ZNF408: variants seen among roughly 807,000 people sequenced by gnomAD.
The protein encoded by ZNF408 is zinc finger protein 408.
A neutral mutation model predicts 27.6 loss-of-function variants in ZNF408; 24 were observed. The observed-to-expected ratio is 0.87, with a 90% confidence interval of 0.63 to 1.22. ZNF408 has a LOEUF of 1.22. Ranked by LOEUF, ZNF408 falls within the 50% of genes most tolerant of loss-of-function variation. ZNF408 has a pLI of 0.00. For synonymous variants in ZNF408, 410 were observed against 396.1 expected, an observed-to-expected ratio of 1.04 and a Z score of -0.42; for missense variants, 897 against 949.0, an observed-to-expected ratio of 0.95 and a Z score of 0.72.
Position 46,703,200 on chromosome 11 carries a change from G to A in ZNF408, c.609G>A (p.Gln203=), listed in dbSNP as rs1380572791. 3 of 1,613,592 alleles carry A rather than the reference G, an allele frequency of 1.9e-6. No homozygotes were observed. The South Asian group carries it at 3.3e-5, about 18-fold the overall frequency. Residue 203 remains glutamine (Q), a synonymous_variant, in exon 4 of 5, where the codon CAG becomes CAA. Coordinates refer to ENST00000311764, the MANE Select transcript of ZNF408 (RefSeq NM_024741.3). Reference sequence around the variant, plus strand: ...CAGAAGTGGAGTCTGCTGTACAGCAGGAAGTGGCCTCCCCTGGGGAGGATG... The same window carrying A: ...CAGAAGTGGAGTCTGCTGTACAGCAAGAAGTGGCCTCCCCTGGGGAGGATG... ...VVTEVESAVQ[Q]EVASPGEDAA...
Position 46,704,814 on chromosome 11 carries a change from G to T in ZNF408, c.1114G>T (p.Ala372Ser), listed in dbSNP as rs141624151. 5 of 1,599,912 alleles carry T rather than the reference G, an allele frequency of 3.1e-6. No individual in the cohort carries two copies. Among genetic ancestry groups the T allele is most frequent in the Admixed American group, 1.7e-5 (1 of 58,558 alleles). Reference protein sequence around the residue: ...FLQLCHLKKHAFVHTGHKPFL... With the variant: ...FLQLCHLKKHSFVHTGHKPFL... ...ACAGCTGTGCCACCTAAAGAAGCAC[G>T]CATTTGTGCACACGGGCCACAAGCC... Residue 372 changes from alanine (A) to serine (S), a missense_variant, in exon 5 of 5, where the codon GCA becomes TCA. Ala to Ser is a moderately conservative substitution (Grantham distance 99, BLOSUM62 1). Coordinates refer to ENST00000311764, the MANE Select transcript of ZNF408 (RefSeq NM_024741.3).
At position 46,705,196 on chromosome 11, in the gene ZNF408, C is replaced by G; in HGVS notation, c.1496C>G (p.Pro499Arg). ...ACAGGAGAAAAGCCTTTCCTGTGCCCGCACTGTGGCCGGGCGTTTCGTCAG... is the reference window on the plus strand; with the variant it reads ...ACAGGAGAAAAGCCTTTCCTGTGCCGGCACTGTGGCCGGGCGTTTCGTCAG... ...LHTGEKPFLC[P>R]HCGRAFRQRG... is the part of the protein sequence containing the mutation. Residue 499 changes from proline (P) to arginine (R), a missense_variant, in exon 5 of 5, where the codon CCG (proline) becomes CGG (arginine). Transcript: ENST00000311764. This position sits in a 1 kb window ranked among gnomAD's most constrained non-coding sequence, Gnocchi z 6.5. 2 of 1,611,720 alleles carry G rather than the reference C, an allele frequency of 1.2e-6. No individual in the cohort carries two copies. Among genetic ancestry groups the G allele is most frequent in the Non-Finnish European group, 1.7e-6 (2 of 1,179,920 alleles).
At chr11:46,703,383 G>T (rs1397346313) in intron 4 of ZNF408, 140 bp downstream of exon 4, 1 of 1,172,080 alleles carries the variant, frequency 8.5e-7, no homozygotes, top group Non-Finnish European at 1.2e-6. Flanking sequence ...TCTGTTTTAA[G>T]GTGGATCTTT....
intron 3 of ZNF408, 62 bp downstream of exon 3, chr11:46,702,827 C>T (rs572995590): frequency 3.2e-5 from 52 of 1,604,966 alleles, no homozygotes; most frequent in African/African-American, 4.0e-5. Flanking sequence ...GGATGGAACC[C>T]GGTGCTGACT....
At position 46,705,572 on chromosome 11, in the gene ZNF408, G is replaced by A. The variant is rs1486054762; in HGVS notation, c.1872G>A (p.Arg624=). The part of the protein sequence containing the change: ...MGYTLPQSLR[R]HQLSHRPEAP... The stretch of plus-strand genomic sequence containing the variant: ...ACACCCTCCCGCAGAGCCTCAGGCG[G>A]CATCAGCTCAGTCACCGGCCTGAGG... The change falls in exon 5 of 5, where the codon CGG becomes CGA. Residue 624 remains arginine, a synonymous_variant. Coordinates refer to ENST00000311764, the MANE Select transcript of ZNF408 (RefSeq NM_024741.3). This position sits in a 1 kb window ranked among gnomAD's most constrained non-coding sequence, Gnocchi z 6.5. 1 of 1,606,800 alleles carries A rather than the reference G, an allele frequency of 6.2e-7. No homozygotes were observed. The highest frequency in any genetic ancestry group is 8.5e-7 in the Non-Finnish European group (1 of 1,179,974).
At chr11:46,701,302 T>C (rs1015402818) in intron 1 of ZNF408, 97 bp from the exon 2 acceptor site, 1 of 1,569,958 alleles carries the variant, frequency 6.4e-7, no homozygotes, top group Non-Finnish European at 8.7e-7. Flanking sequence ...TCCCTCGGGC[T>C]CCGCAGGCCC....
At position 46,701,626 on chromosome 11, in the gene ZNF408, G is replaced by C. The variant is rs775886531; in HGVS notation, c.280G>C (p.Glu94Gln). 1.2e-6 allele frequency: 2 copies of C among 1,607,324 alleles called. No homozygotes were observed. Among genetic ancestry groups the C allele is most frequent in the Admixed American group, 3.4e-5 (2 of 59,696 alleles). The change falls in exon 2 of 5, where the codon GAG becomes CAG. Residue 94 changes from glutamate to glutamine, a missense_variant. By Grantham distance (29) the Glu-to-Gln change is conservative (BLOSUM62 2). Coordinates refer to ENST00000311764, the MANE Select transcript of ZNF408 (RefSeq NM_024741.3). The stretch of plus-strand genomic sequence containing the variant: ...CCTGCTGTGGGGGCCGCTGGAAGAG[G>C]AGTCTGCCTCCAAGGAGAAGGGCGA... ...PGLLWGPLEE[E>Q]SASKEKGEGV... is the part of the protein sequence containing the mutation.
rs766923234 is a variant in ZNF408, at chr11:46,705,892, A to G, written c.*29A>G. Reference sequence around the variant, plus strand: ...CTTTGCCTTTTGCTGACACAGCTCCATAAAGACTCGTGCTTTCTCACTGCT... The same window carrying G: ...CTTTGCCTTTTGCTGACACAGCTCCGTAAAGACTCGTGCTTTCTCACTGCT... On this transcript the variant is annotated 3_prime_UTR_variant, in exon 5 of 5. Coordinates refer to ENST00000311764, the MANE Select transcript of ZNF408 (RefSeq NM_024741.3). The surrounding 1 kb of genome is among the most constrained non-coding windows in gnomAD (Gnocchi z 6.5). 7.5e-6 allele frequency: 12 copies of G among 1,593,514 alleles called. No individual in the cohort carries two copies. The highest frequency in any genetic ancestry group is 2.3e-5 in the South Asian group (2 of 87,904).
Position 46,705,084 on chromosome 11 carries a change from C to G in ZNF408, c.1384C>G (p.Pro462Ala). The G allele has an allele frequency of 6.2e-7, 1 of 1,612,534 alleles. No individual in the cohort carries two copies. Among genetic ancestry groups the G allele is most frequent in the Non-Finnish European group, 8.5e-7 (1 of 1,179,960 alleles). Reference sequence around the variant, plus strand: ...GCTGCATCGCAAGACCCACCAGGTGCCAGCTGCCCCTGCCCCTTGCCCATG... The same window carrying G: ...GCTGCATCGCAAGACCCACCAGGTGGCAGCTGCCCCTGCCCCTTGCCCATG... ...LRLHRKTHQVPAAPAPCPCPV... is the reference protein window; with the variant it reads ...LRLHRKTHQVAAAPAPCPCPV... Residue 462 changes from proline to alanine, a missense_variant, in exon 5 of 5, where the codon CCA becomes GCA. Transcript: ENST00000311764. This position sits in a 1 kb window ranked among gnomAD's most constrained non-coding sequence, Gnocchi z 6.5.
At chr11:46,702,617 C>A in intron 2 of ZNF408, 87 bp from the exon 3 acceptor site, 2 of 1,363,096 alleles carry the variant, frequency 1.5e-6, no homozygotes, top group South Asian at 1.2e-5. Context: ...TTAAATTTGT[C>A]CCAGGAAAGT....
Position 46,704,704 on chromosome 11 carries a change from T to A in ZNF408, c.1004T>A (p.Leu335His), listed in dbSNP as rs774684034. 1 of 1,609,502 alleles carries A rather than the reference T, an allele frequency of 6.2e-7. No individual in the cohort carries two copies. ...PGAQQSGFPT[L>H]SRSPPGPAGS... Reference sequence around the variant, plus strand: ...GCCCAGCAGTCTGGCTTCCCTACACTCTCGCGGAGCCCTCCTGGCCCAGCA... The same window carrying A: ...GCCCAGCAGTCTGGCTTCCCTACACACTCGCGGAGCCCTCCTGGCCCAGCA... Residue 335 changes from leucine (L) to histidine (H), a missense_variant, in exon 5 of 5, where the codon CTC (leucine) becomes CAC (histidine). Coordinates refer to ENST00000311764, the MANE Select transcript of ZNF408 (RefSeq NM_024741.3).
chr11:46,703,118 A>T lies in ZNF408; in HGVS notation c.527A>T (p.Glu176Val), dbSNP rs1241761884. ...CTGCTGTGGCCCCAGCCTTCCTCTGAGGGCCCAAGTCTCACCCAGCCTGGG... is the reference window on the plus strand; with the variant it reads ...CTGCTGTGGCCCCAGCCTTCCTCTGTGGGCCCAAGTCTCACCCAGCCTGGG... ...ELLLWPQPSS[E>V]GPSLTQPGLD... is the part of the protein sequence containing the mutation. Residue 176 changes from glutamate to valine, a missense_variant, in exon 4 of 5, where the codon GAG becomes GTG. Glu to Val is a moderately radical substitution (Grantham distance 121). Coordinates refer to ENST00000311764, the MANE Select transcript of ZNF408 (RefSeq NM_024741.3). The T allele has an allele frequency of 6.2e-7, 1 of 1,612,166 alleles. No individual in the cohort carries two copies. The highest frequency in any genetic ancestry group is 1.3e-5 in the African/African-American group (1 of 75,020).
Position 46,705,648 on chromosome 11 carries a change from G to A in ZNF408, c.1948G>A (p.Val650Met). ...VPSAASEPTV[V>M]LLQAEPQLLD... ...TTCTGCTGCTTCTGAGCCCACTGTG[G>A]TGCTCCTGCAGGCTGAGCCACAACT... Residue 650 changes from valine to methionine, a missense_variant, in exon 5 of 5, where the codon GTG becomes ATG. Coordinates refer to ENST00000311764, the MANE Select transcript of ZNF408 (RefSeq NM_024741.3). This position sits in a 1 kb window ranked among gnomAD's most constrained non-coding sequence, Gnocchi z 6.5. 1 of 1,613,622 alleles carries A rather than the reference G, an allele frequency of 6.2e-7. No homozygotes were observed.
intron 4 of ZNF408, 103 bp downstream of exon 4, chr11:46,703,346 C>CTAT (rs2064724915): frequency 7.2e-7 from 1 of 1,389,296 alleles, no homozygotes; most frequent in Non-Finnish European, 9.6e-7. Flanking sequence ...AGGAAGGACA[C>CTAT]TATAGAGTCT....
At position 46,705,058 on chromosome 11, in the gene ZNF408, G is replaced by A. The variant is rs369247386; in HGVS notation, c.1358G>A (p.Arg453Gln). 25 of 1,612,810 alleles carry A rather than the reference G, an allele frequency of 1.6e-5. No homozygotes were observed. The African/African-American group carries it at 1.7e-4, about 11-fold the overall frequency. Reference sequence around the variant, plus strand: ...GCCTTTGCCCGCCGGCCCTCCCTGCGGCTGCATCGCAAGACCCACCAGGTG... The same window carrying A: ...GCCTTTGCCCGCCGGCCCTCCCTGCAGCTGCATCGCAAGACCCACCAGGTG... ...GKAFARRPSL[R>Q]LHRKTHQVPA... is the part of the protein sequence containing the mutation. Residue 453 changes from arginine to glutamine, a missense_variant, in exon 5 of 5, where the codon CGG (arginine) becomes CAG (glutamine). Arg to Gln is a conservative substitution (Grantham distance 43). Coordinates refer to ENST00000311764, the MANE Select transcript of ZNF408 (RefSeq NM_024741.3). This position sits in a 1 kb window ranked among gnomAD's most constrained non-coding sequence, Gnocchi z 6.5.
intron 4 of ZNF408, among the ~76,000 whole-genome samples, chr11:46,703,681 TG>T (rs1239413759): frequency 6.6e-6 from 1 of 151,746 alleles, no homozygotes. Flanking sequence ...CTCTCTGGCG[TG>T]GGGGTTCTTT....
Position 46,704,481 on chromosome 11 carries a change from G to T in ZNF408, c.781G>T (p.Val261Leu), listed in dbSNP as rs747049480. 8 of 1,614,130 alleles carry T rather than the reference G, an allele frequency of 5.0e-6. No homozygotes were observed. Among genetic ancestry groups the T allele is most frequent in the Non-Finnish European group, 5.9e-6 (7 of 1,180,028 alleles). ...TGGCCCATTGCTTCAGGATGGCGAC[G>T]TGGATGAGGAATGCCCGGCCCAGGC... ...PLGPLLQDGD[V>L]DEECPAQAQM... Residue 261 changes from valine to leucine, a missense_variant, in exon 5 of 5, where the codon GTG (valine) becomes TTG (leucine). Physicochemically the swap from Val to Leu is conservative, Grantham distance 32 (BLOSUM62 1). Coordinates refer to ENST00000311764, the MANE Select transcript of ZNF408 (RefSeq NM_024741.3).
chr11:46,703,132 A>G lies in ZNF408; in HGVS notation c.541A>G (p.Thr181Ala). The change falls in exon 4 of 5, where the codon ACC becomes GCC. Residue 181 changes from threonine to alanine, a missense_variant. Physicochemically the swap from Thr to Ala is moderately conservative, Grantham distance 58. Coordinates refer to ENST00000311764, the MANE Select transcript of ZNF408 (RefSeq NM_024741.3). ...PQPSSEGPSL[T>A]QPGLDKEAAV... ...GCCTTCCTCTGAGGGCCCAAGTCTC[A>G]CCCAGCCTGGGCTGGACAAAGAGGC... is the stretch of plus-strand genomic sequence containing the variant. The G allele has an allele frequency of 1.2e-6, 2 of 1,612,038 alleles. No individual in the cohort carries two copies. The highest frequency in any genetic ancestry group is 4.5e-5 in the East Asian group (2 of 44,776).
chr11:46,701,247 G>A (rs534367497), intron 1 of ZNF408, 148 bp downstream of exon 1: 2 of 1,548,616 alleles, frequency 1.3e-6, no homozygotes, highest in South Asian at 2.2e-5. Context: ...AAGAGCCCTT[G>A]AGCCTCCTCA....
Sources: allele counts gnomAD v4.1 joint callset (sites outside exome capture counted in the v4.1 genomes callset), GRCh38; gene constraint gnomAD v4.1.1; non-coding constraint Gnocchi (gnomAD v3.1); transcripts MANE v1.5; gene names NCBI Gene and HGNC (gene_info 2026-07-23, HGNC 2026-07-21).